The following UBAP2 variants were observed in gnomAD, a reference collection of about 807,000 sequenced individuals.
UBAP2 encodes the protein ubiquitin-associated protein 2.
In UBAP2, 75 loss-of-function variants were observed where a neutral mutation model predicts 139.6. The ratio of observed to expected loss-of-function variants is 0.54; its 90% CI spans 0.45 to 0.65. The LOEUF is 0.65. Ranked by LOEUF, UBAP2 falls within the 30% of genes least tolerant of loss-of-function variation. The pLI, the probability that UBAP2 is intolerant of heterozygous loss-of-function variation, is 0.00. For synonymous variants in UBAP2, 526 were observed against 526.2 expected (o/e 1.00, Z 0.01); for missense variants, 1,368 against 1,369.6 (o/e 1.00, Z 0.02).
At chr9:33,997,592 T>C (rs1420576564) in intron 3 of UBAP2, 1 of 152,214 alleles carries the variant, frequency 6.6e-6, no homozygotes, top group Non-Finnish European at 1.5e-5. Context: ...GGATAGCTAC[T>C]AATAAATGTC....
At chr9:34,003,059 G>GTTT (rs11420628) in intron 2 of UBAP2, among the ~76,000 whole-genome samples, 1 of 148,136 alleles carries the variant, frequency 6.8e-6, no homozygotes, top group Admixed American at 6.7e-5. Flanking sequence ...TTCTTTCGTT[G>GTTT]TTTTTTTTTT....
chr9:34,028,434 C>T (rs1564070291), intron 1 of UBAP2, among the ~76,000 whole-genome samples: 1 of 151,462 alleles, frequency 6.6e-6, no homozygotes. Flanking sequence ...GGCTGGAGTG[C>T]AGTGGCGCAA....
chr9:33,985,597 T>C (rs761712343), intron 6 of UBAP2, among the ~76,000 whole-genome samples: 71 of 152,318 alleles, frequency 4.7e-4, no homozygotes, highest in Non-Finnish European at 8.8e-4. Context: ...TACTCACTCA[T>C]GTGGGAGCTA....
chr9:34,049,031 A>G (rs997098379), upstream of UBAP2: 2 of 152,140 alleles, frequency 1.3e-5, no homozygotes, highest in Admixed American at 1.3e-4. Flanking sequence ...TCCAGCCACC[A>G]CCTCCACCCC....
At chr9:33,989,453 G>A (rs1821511101) in intron 4 of UBAP2, among the ~76,000 whole-genome samples, 1 of 152,018 alleles carries the variant, frequency 6.6e-6, no homozygotes, top group Non-Finnish European at 1.5e-5. Flanking sequence ...TGCCCGCCTT[G>A]GCCTCCCAAA....
chr9:33,997,025 CCT>C (rs1316782427), intron 3 of UBAP2: 2 of 152,072 alleles, frequency 1.3e-5, no homozygotes, highest in Non-Finnish European at 2.9e-5. Flanking sequence ...AGAGCGAGAC[CCT>C]GTCTCCCCCC....
At chr9:34,039,455 G>C (rs1295956951) in intron 1 of UBAP2, among the ~76,000 whole-genome samples, 1 of 152,180 alleles carries the variant, frequency 6.6e-6, no homozygotes, top group Non-Finnish European at 1.5e-5. Context: ...GATTGTTGCT[G>C]TGTTTGTGTA....
intron 9 of UBAP2, among the ~76,000 whole-genome samples, chr9:33,962,680 A>ATGAATAAT (rs1827155513): frequency 6.9e-6 from 1 of 145,554 alleles, no homozygotes; most frequent in African/African-American, 2.6e-5. Context: ...AAATAAATAA[A>ATGAATAAT]TAATTAAAAA....
chr9:33,957,852 T>G (rs1826698450), intron 10 of UBAP2, among the ~76,000 whole-genome samples: 1 of 152,170 alleles, frequency 6.6e-6, no homozygotes, highest in African/African-American at 2.4e-5. Flanking sequence ...AGGTGTTCAT[T>G]TTCTTCAACA....
At chr9:34,035,514 A>AAAAAAAAAAAAAAATATATATAT in intron 1 of UBAP2, among the ~76,000 whole-genome samples, 2 of 22,492 alleles carry the variant, frequency 8.9e-5, no homozygotes, top group African/African-American at 2.5e-4. Context: ...AAAAAAAAAA[A>AAAAAAAAAAAAAAATATATATAT]ATATATATAT....
Position 33,923,197 on chromosome 9 carries a change from C to G in UBAP2, c.2993G>C (p.Gly998Ala). The G allele has an allele frequency of 6.2e-7, 1 of 1,614,186 alleles. No individual in the cohort carries two copies. Among genetic ancestry groups the G allele is most frequent in the South Asian group, 1.1e-5 (1 of 91,084 alleles). The change falls in exon 26 of 29, where the codon GGG becomes GCG. Residue 998 changes from glycine (G) to alanine (A), a missense_variant. Gly to Ala is a moderately conservative substitution (Grantham distance 60, BLOSUM62 0). Transcript: ENST00000379238. ...SQAPNKSAGS[G>A]PGKGVSVSSS... ...GAGGTAAACACTACCTTTGCCAGGC[C>G]CAGAACCTGCAGACTTGTTTGGTGC...
At chr9:34,016,833 C>T (rs1291123716) in intron 2 of UBAP2, among the ~76,000 whole-genome samples, 1 of 152,092 alleles carries the variant, frequency 6.6e-6, no homozygotes, top group Non-Finnish European at 1.5e-5. Context: ...GCTGGGATTA[C>T]AGGCGTGAGC....
intron 21 of UBAP2, 110 bp downstream of exon 21, chr9:33,926,879 G>T: frequency 2.6e-6 from 3 of 1,138,076 alleles, no homozygotes; most frequent in Non-Finnish European, 2.6e-6. Context: ...GCTCAGGGAT[G>T]GAAGGGCAGC....
At chr9:33,995,834 T>C (rs957874850) in intron 4 of UBAP2, 1 of 152,076 alleles carries the variant, frequency 6.6e-6, no homozygotes, top group Non-Finnish European at 1.4e-5. Flanking sequence ...CAAATACATA[T>C]ACCAGCAAAT....
Position 34,022,468 on chromosome 9 carries a change from G to C in UBAP2, c.-41-5279C>G, listed in dbSNP as rs576983067. 6.4e-4 allele frequency among the ~76,000 whole-genome samples: 88 copies of C among 136,596 alleles called. 1 individual carries two copies. In the East Asian group the frequency reaches 0.016, roughly 25 times the overall value. The allele number at this position is 136,596 out of a possible 152,430, so 89.6% of individuals were successfully genotyped here. Reference sequence around the variant, plus strand: ...TTTTTTTTTTTTTAAGACACAGTCTGGCTTTGTTGCCCAGGCTGGAGTGCA... The same window carrying C: ...TTTTTTTTTTTTTAAGACACAGTCTCGCTTTGTTGCCCAGGCTGGAGTGCA... On this transcript the variant is annotated intron_variant, in intron 1 of 28. Transcript: ENST00000379238.
rs763742453 is a variant in UBAP2, at chr9:33,953,239, A to G, written c.1056+46T>C. On this transcript the variant is annotated intron_variant, in intron 12 of 28. Coordinates refer to ENST00000379238, the MANE Select transcript of UBAP2 (RefSeq NM_001370062.2). ...ATCATATTCTAGAATACATTTGCTAATGGGTATATTTCTTAAAATCCCACA... is the reference window on the plus strand; with the variant it reads ...ATCATATTCTAGAATACATTTGCTAGTGGGTATATTTCTTAAAATCCCACA... 9.9e-6 allele frequency: 15 copies of G among 1,517,280 alleles called. No homozygotes were observed. In the South Asian group the frequency reaches 1.5e-4, roughly 16 times the overall value. The allele number at this position is 1,517,280 out of a possible 1,614,324, so 94.0% of individuals were successfully genotyped here.
intron 6 of UBAP2, among the ~76,000 whole-genome samples, chr9:33,977,526 C>A (rs946155227): frequency 6.6e-6 from 1 of 152,028 alleles, no homozygotes; most frequent in Non-Finnish European, 1.5e-5. Context: ...GAATAAAGAT[C>A]CAGAGTCTTT....
intron 19 of UBAP2, chr9:33,928,199 A>C: frequency 1.8e-6 from 1 of 540,662 alleles, no homozygotes; most frequent in South Asian, 2.9e-5. Context: ...ATCAGGATAC[A>C]ATACATAAAC....
intron 6 of UBAP2, among the ~76,000 whole-genome samples, chr9:33,984,507 A>T (rs1366630986): frequency 1.4e-5 from 2 of 148,010 alleles, no homozygotes; most frequent in East Asian, 1.9e-4. Context: ...TTAAAAAAAA[A>T]ATTTTTTTTT....
Sources: allele counts gnomAD v4.1 joint callset (sites outside exome capture counted in the v4.1 genomes callset), GRCh38; gene constraint gnomAD v4.1.1; transcripts MANE v1.5; gene names NCBI Gene and HGNC (gene_info 2026-07-23, HGNC 2026-07-21).